TCF20: variants seen among roughly 807,000 people sequenced by gnomAD.
The protein encoded by TCF20 is transcription factor 20.
Under a neutral mutation model 148.6 loss-of-function variants are expected in TCF20, and 3 were observed. The ratio of observed to expected loss-of-function variants is 0.02; its 90% CI spans 0.01 to 0.05. The LOEUF is 0.05. Among genes scored for constraint, TCF20 ranks in the 10% least tolerant of loss-of-function variants. TCF20 has a pLI of 1.00. For synonymous variants in TCF20, 1,049 were observed against 909.5 expected (o/e 1.15, Z -2.76); for missense variants, 2,350 against 2,429.3 (o/e 0.97, Z 0.69).
At chr22:42,257,814 G>A (rs1925822997) in intron 1 of TCF20, among the ~76,000 whole-genome samples, 1 of 152,216 alleles carries the variant, frequency 6.6e-6, no homozygotes, top group Non-Finnish European at 1.5e-5. Context: ...AAATGCCTCT[G>A]CAGACCTGGG....
chr22:42,222,918 C>T (rs962684139), intron 1 of TCF20, among the ~76,000 whole-genome samples: 4 of 152,038 alleles, frequency 2.6e-5, no homozygotes, highest in Admixed American at 6.6e-5. Context: ...TTTGGGAGGC[C>T]GAGGCAGGCA....
chr22:42,294,179 C>T (rs568019800), intron 1 of TCF20, among the ~76,000 whole-genome samples: 5 of 152,220 alleles, frequency 3.3e-5, no homozygotes, highest in East Asian at 1.9e-4. Flanking sequence ...CCCGCCAGCC[C>T]GCTCCACCCC....
Position 42,212,742 on chromosome 22 carries a change from T to G in TCF20, c.2564A>C (p.Glu855Ala). 1 of 1,614,200 alleles carries G rather than the reference T, an allele frequency of 6.2e-7. No individual in the cohort carries two copies. The highest frequency in any genetic ancestry group is 1.1e-5 in the South Asian group (1 of 91,084). ...TCTTTCAGAGAGGGAACCCCCAGGC[T>G]CATGTGCTGATGACTGAGGCTCTAT... ...FEIEPQSSAH[E>A]PGGSLSERRS... Residue 855 changes from glutamate (E) to alanine (A), a missense_variant, in exon 2 of 6, where the codon GAG becomes GCG. By Grantham distance (107) the Glu-to-Ala change is moderately radical (BLOSUM62 -1). Around this residue, in one of 7 missense-constraint regions of TCF20, gnomAD observed 1,641 missense variants for 1,662.6 expected, o/e 0.99. Coordinates refer to ENST00000677622, the MANE Select transcript of TCF20 (RefSeq NM_001378418.1).
chr22:42,210,954 G>A lies in TCF20; in HGVS notation c.4352C>T (p.Ala1451Val), dbSNP rs762623201. The A allele has an allele frequency of 1.9e-6, 3 of 1,614,132 alleles. No homozygotes were observed. The highest frequency in any genetic ancestry group is 1.1e-5 in the South Asian group (1 of 91,084). ...VDDKVKTETH[A>V]ETVTAGKEPP... ...TTCCTTTCCGGCAGTAACTGTTTCT[G>A]CATGTGTCTCTGTCTTCACTTTGTC... The change falls in exon 2 of 6, where the codon GCA becomes GTA. Residue 1451 changes from alanine (A) to valine (V), a missense_variant. Around this residue, in one of 7 missense-constraint regions of TCF20, gnomAD observed 231 missense variants for 213.7 expected, o/e 1.08. Transcript: ENST00000677622. This position sits in a 1 kb window ranked among gnomAD's most constrained non-coding sequence, Gnocchi z 4.7.
intron 2 of TCF20, among the ~76,000 whole-genome samples, chr22:42,205,433 G>A (rs897294443): frequency 2.0e-5 from 3 of 152,054 alleles, no homozygotes; most frequent in African/African-American, 4.8e-5. Context: ...ATATAACATC[G>A]TGCTTGTCAA....
In TCF20 at chr22:42,213,704, C is replaced by T. The variant is rs1185526307; in HGVS notation, c.1602G>A (p.Val534=). The change falls in exon 2 of 6, where the codon GTG becomes GTA. Residue 534 remains valine, a synonymous_variant. Coordinates refer to ENST00000677622, the MANE Select transcript of TCF20 (RefSeq NM_001378418.1). ...SSSSEDQGER[V]RQLSGQSTSS... ...TGGTGCTCTGGCCACTTAGTTGCCG[C>T]ACTCTCTCGCCTTGATCCTCTGAAC... 3 of 1,614,024 alleles carry T rather than the reference C, an allele frequency of 1.9e-6. No homozygotes were observed. Among genetic ancestry groups the T allele is most frequent in the Non-Finnish European group, 2.5e-6 (3 of 1,179,926 alleles).
chr22:42,304,404 G>C (rs1927396542), intron 1 of TCF20, among the ~76,000 whole-genome samples: 3 of 152,154 alleles, frequency 2.0e-5, no homozygotes, highest in South Asian at 2.1e-4. Context: ...ACGCATGCTG[G>C]GGGTGTTGGG....
chr22:42,286,067 T>C (rs1363749301), upstream of TCF20, among the ~76,000 whole-genome samples: 1 of 152,198 alleles, frequency 6.6e-6, no homozygotes, highest in Non-Finnish European at 1.5e-5. Context: ...TGGGTGACCT[T>C]AGACAAGCCA....
intron 1 of TCF20, among the ~76,000 whole-genome samples, chr22:42,253,316 G>A (rs1336049423): frequency 6.6e-6 from 1 of 152,064 alleles, no homozygotes; most frequent in East Asian, 1.9e-4. Context: ...CTGTCACTGG[G>A]TTCCAGAAAG....
chr22:42,220,544 C>A lies in TCF20; in HGVS notation c.-36-5203G>T, dbSNP rs547462946. Among the ~76,000 whole-genome samples, 160 of 152,242 alleles carry A rather than the reference C, an allele frequency of 1.1e-3. 1 individual carries two copies. The highest frequency in any genetic ancestry group is 3.2e-3 in the African/African-American group (132 of 41,536). ...TTTTCTGCTTATTCTCCTTCTTTGC[C>A]TTTAAATCCTCAAGACATTGACAAT... is the stretch of plus-strand genomic sequence containing the variant. On this transcript the variant is annotated intron_variant, in intron 1 of 5. Transcript: ENST00000677622.
At chr22:42,237,081 G>C (rs1408131611) in intron 1 of TCF20, among the ~76,000 whole-genome samples, 1 of 152,108 alleles carries the variant, frequency 6.6e-6, no homozygotes, top group Non-Finnish European at 1.5e-5. Flanking sequence ...CTGACGCATC[G>C]ACTGGCTCTT....
chr22:42,332,355 G>A (rs1927991421), intron 1 of TCF20, among the ~76,000 whole-genome samples: 1 of 152,156 alleles, frequency 6.6e-6, no homozygotes, highest in Admixed American at 6.5e-5. Context: ...GGAGTGTAGT[G>A]ACCAGTGCAG....
Position 42,213,461 on chromosome 22 carries a change from A to C in TCF20, c.1845T>G (p.Gly615=). ...CTTGTCCACCAGGCTTTTCTACCCG[A>C]CCTGTCATGGCTTCCCGGGAGACAA... is the stretch of plus-strand genomic sequence containing the variant. ...GVIVSREAMT[G]RVEKPGGQDK... Residue 615 remains glycine, a synonymous_variant, in exon 2 of 6, where the codon GGT becomes GGG. Transcript: ENST00000677622. The C allele has an allele frequency of 6.2e-7, 1 of 1,613,864 alleles. No individual in the cohort carries two copies. The highest frequency in any genetic ancestry group is 8.5e-7 in the Non-Finnish European group (1 of 1,179,958).
At chr22:42,161,989 T>C in intron 5 of TCF20, among the ~76,000 whole-genome samples, 1 of 111,726 alleles carries the variant, frequency 9.0e-6, no homozygotes, top group South Asian at 3.1e-4. Context: ...TTTTTTTTTT[T>C]TTTTTTTTTT....
chr22:42,326,304 T>C (rs1927874769), intron 1 of TCF20, among the ~76,000 whole-genome samples: 1 of 151,548 alleles, frequency 6.6e-6, no homozygotes, highest in African/African-American at 2.4e-5. Context: ...CCCACAGGAG[T>C]TGTTATTAAG....
At chr22:42,236,903 T>C (rs1202443774) in intron 1 of TCF20, among the ~76,000 whole-genome samples, 1 of 152,232 alleles carries the variant, frequency 6.6e-6, no homozygotes, top group African/African-American at 2.4e-5. Flanking sequence ...TAAAAAATAC[T>C]TTATCGTTAA....
At chr22:42,249,109 G>A (rs965773263) in intron 1 of TCF20, among the ~76,000 whole-genome samples, 10 of 152,170 alleles carry the variant, frequency 6.6e-5, no homozygotes, top group Non-Finnish European at 1.2e-4. Context: ...CTGCTGCCTT[G>A]GACATCAGAA....
At chr22:42,232,481 C>T (rs1923509103) in intron 1 of TCF20, among the ~76,000 whole-genome samples, 1 of 152,012 alleles carries the variant, frequency 6.6e-6, no homozygotes, top group Admixed American at 6.6e-5. Context: ...CATTCAACTG[C>T]TGACAACAGA....
chr22:42,339,993 C>A (rs1928136042), intron 1 of TCF20, among the ~76,000 whole-genome samples: 1 of 152,222 alleles, frequency 6.6e-6, no homozygotes, highest in Admixed American at 6.5e-5. Context: ...TGCTCCTGAC[C>A]TGGTCAACAG....
Sources: allele counts gnomAD v4.1 joint callset (sites outside exome capture counted in the v4.1 genomes callset), GRCh38; gene constraint gnomAD v4.1.1; regional missense constraint gnomAD v4.1.1; non-coding constraint Gnocchi (gnomAD v3.1); transcripts MANE v1.5; gene names NCBI Gene and HGNC (gene_info 2026-07-23, HGNC 2026-07-21).